Variants in SCOC observed in about 807,000 individuals in gnomAD.
The protein encoded by SCOC is short coiled coil protein.
A neutral mutation model predicts 9.9 loss-of-function variants in SCOC; 7 were observed. That is an observed-to-expected ratio of 0.71 (90% CI 0.40 to 1.33). The LOEUF (loss-of-function observed/expected upper bound fraction) is 1.33, where lower values mean the gene tolerates loss of function less well. Ranked by LOEUF, SCOC falls within the 40% of genes most tolerant of loss-of-function variation. SCOC has a pLI of 0.01. For missense variants in SCOC, 66 were observed against 89.7 expected, an observed-to-expected ratio of 0.74 and a Z score of 1.07; for synonymous variants, 19 against 28.2, an observed-to-expected ratio of 0.67 and a Z score of 1.03.
chr4:140,292,557 T>C (rs930738810), intron 1 of SCOC, among the ~76,000 whole-genome samples: 1 of 152,182 alleles, frequency 6.6e-6, no homozygotes, highest in African/African-American at 2.4e-5. Context: ...ATAATCTCCT[T>C]TTTCCTTATG....
chr4:140,385,377 A>G lies in SCOC; in HGVS notation c.*4273A>G, dbSNP rs1384367813. 1 of 152,230 alleles carries G rather than the reference A, an allele frequency of 6.6e-6. No homozygotes were observed. The highest frequency in any genetic ancestry group is 2.4e-5 in the African/African-American group (1 of 41,458). 9.4% of individuals were successfully genotyped at this position (152,230 alleles called of 1,614,324 possible). A position where few individuals can be genotyped will look rare whatever the true frequency, so the allele number is the denominator to read the frequency against. The stretch of plus-strand genomic sequence containing the variant: ...AAAGTAGGATAAAGAAAGACTACAT[A>G]TGTACATAAAACCTTGCCGGGGAAG... On this transcript the variant is annotated 3_prime_UTR_variant, in exon 4 of 4. Transcript: ENST00000608372.
intron 1 of SCOC, among the ~76,000 whole-genome samples, chr4:140,375,810 A>G (rs572577166): frequency 1.1e-4 from 16 of 152,304 alleles, no homozygotes; most frequent in African/African-American, 3.8e-4. Flanking sequence ...GAAACCTTTG[A>G]AAGGTCTGAC....
chr4:140,300,890 A>G (rs1731792661), intron 1 of SCOC, among the ~76,000 whole-genome samples: 1 of 152,228 alleles, frequency 6.6e-6, no homozygotes, highest in Non-Finnish European at 1.5e-5. Context: ...AATGAGTCTC[A>G]GGACAGAGGG....
chr4:140,286,177 C>A (rs1229227458), intron 1 of SCOC, among the ~76,000 whole-genome samples: 1 of 147,106 alleles, frequency 6.8e-6, no homozygotes, highest in Non-Finnish European at 1.5e-5. Flanking sequence ...GAGCGAGACT[C>A]CATCACAAAA....
chr4:140,318,946 G>A (rs1441260541), intron 1 of SCOC, among the ~76,000 whole-genome samples: 2 of 151,994 alleles, frequency 1.3e-5, no homozygotes, highest in African/African-American at 2.4e-5. Context: ...TCCACTTCTG[G>A]TGCAGGAACC....
chr4:140,320,759 G>C (rs1732477744), intron 1 of SCOC, among the ~76,000 whole-genome samples: 1 of 152,204 alleles, frequency 6.6e-6, no homozygotes, highest in African/African-American at 2.4e-5. Flanking sequence ...GCAAAGGGAA[G>C]TTGGTCAAAA....
At chr4:140,290,964 T>C (rs552022888) in intron 1 of SCOC, among the ~76,000 whole-genome samples, 1 of 152,216 alleles carries the variant, frequency 6.6e-6, no homozygotes, top group Non-Finnish European at 1.5e-5. Flanking sequence ...CATATAATAA[T>C]TTTGCTATAG....
intron 1 of SCOC, among the ~76,000 whole-genome samples, chr4:140,269,098 A>C (rs932073369): frequency 6.6e-6 from 1 of 152,178 alleles, no homozygotes; most frequent in Non-Finnish European, 1.5e-5. Context: ...ACAATTATAA[A>C]GCCCTAGGTC....
intron 2 of SCOC, among the ~76,000 whole-genome samples, chr4:140,362,303 T>TCTTCTTCTTCTTCTTC (rs1253683051): frequency 0.01 from 449 of 44,238 alleles, 40 homozygotes; most frequent in East Asian, 0.038. Flanking sequence ...CTTCTTCTTT[T>TCTTCTTCTTCTTCTTC]TTTTTTTTTT....
chr4:140,276,749 G>A (rs922504967), intron 1 of SCOC, among the ~76,000 whole-genome samples: 1 of 151,928 alleles, frequency 6.6e-6, no homozygotes, highest in East Asian at 1.9e-4. Flanking sequence ...GAGCCACCTC[G>A]GCCAGCCACT....
At chr4:140,306,699 C>T (rs1446768006) in intron 1 of SCOC, among the ~76,000 whole-genome samples, 2 of 152,142 alleles carry the variant, frequency 1.3e-5, no homozygotes, top group Admixed American at 6.5e-5. Flanking sequence ...TTCCCCTGCC[C>T]TCTAATTCCT....
At chr4:140,367,175 A>G (rs1340030629) in intron 2 of SCOC, among the ~76,000 whole-genome samples, 1 of 152,034 alleles carries the variant, frequency 6.6e-6, no homozygotes, top group Non-Finnish European at 1.5e-5. Context: ...ACTGCACTCC[A>G]GCCTGGGCAA....
intron 1 of SCOC, among the ~76,000 whole-genome samples, chr4:140,310,496 G>A (rs1348634048): frequency 6.6e-6 from 1 of 152,184 alleles, no homozygotes; most frequent in Non-Finnish European, 1.5e-5. Flanking sequence ...TTCGCTCTAT[G>A]TGCAATGTGT....
At chr4:140,323,884 A>G (rs1319273050) in intron 1 of SCOC, among the ~76,000 whole-genome samples, 2 of 152,162 alleles carry the variant, frequency 1.3e-5, no homozygotes, top group Non-Finnish European at 2.9e-5. Context: ...GGTAAGCATT[A>G]CCCTAAGACT....
At chr4:140,265,087 G>A (rs903804336) in intron 1 of SCOC, among the ~76,000 whole-genome samples, 1 of 151,998 alleles carries the variant, frequency 6.6e-6, no homozygotes, top group Non-Finnish European at 1.5e-5. Context: ...TATCAGTTAG[G>A]GCATTGTGTT....
At chr4:140,329,935 CA>C (rs1226088820) in intron 1 of SCOC, among the ~76,000 whole-genome samples, 5 of 152,158 alleles carry the variant, frequency 3.3e-5, no homozygotes, top group Non-Finnish European at 7.3e-5. Flanking sequence ...CCATTTGATC[CA>C]GCAATCCCAC....
chr4:140,328,508 C>T (rs10519535), intron 1 of SCOC, among the ~76,000 whole-genome samples: 16,536 of 152,110 alleles, frequency 0.11, 991 homozygotes, highest in East Asian at 0.22. Context: ...TTATTCCTCA[C>T]AGTTCATTTG....
chr4:140,303,441 G>A (rs967156267), intron 1 of SCOC, among the ~76,000 whole-genome samples: 1 of 152,190 alleles, frequency 6.6e-6, no homozygotes, highest in Non-Finnish European at 1.5e-5. Flanking sequence ...ACCTTGCTTG[G>A]TTATTGGAGC....
chr4:140,354,573 T>G (rs145142301), intron 2 of SCOC, among the ~76,000 whole-genome samples: 1 of 151,728 alleles, frequency 6.6e-6, no homozygotes, highest in Non-Finnish European at 1.5e-5. Flanking sequence ...ACTCCTCTAT[T>G]TGTCCATTTT....
Sources: allele counts gnomAD v4.1 joint callset (sites outside exome capture counted in the v4.1 genomes callset), GRCh38; gene constraint gnomAD v4.1.1; transcripts MANE v1.5; gene names NCBI Gene and HGNC (gene_info 2026-07-23, HGNC 2026-07-21).